Variants in TCF4 observed in about 807,000 individuals in gnomAD.
TCF4 encodes transcription factor 4.
In TCF4, 3 loss-of-function variants were observed where a neutral mutation model predicts 82.1. The ratio of observed to expected loss-of-function variants is 0.04; its 90% CI spans 0.02 to 0.09. TCF4 has a LOEUF of 0.09. Ranked by LOEUF, TCF4 falls within the 10% of genes least tolerant of loss-of-function variation. TCF4 has a pLI of 1.00. For missense variants in TCF4, 518 were observed against 852.7 expected (o/e 0.61, Z 4.89); for synonymous variants, 276 against 309.6 (o/e 0.89, Z 1.14).
At chr18:55,401,851 C>A in intron 6 of TCF4, 1 of 926,942 alleles carries the variant, frequency 1.1e-6, no homozygotes. Context: ...CCAGCGAAAA[C>A]AGAGACCTCT....
chr18:55,557,172 A>G (rs1014843237), intron 3 of TCF4, among the ~76,000 whole-genome samples: 2 of 152,176 alleles, frequency 1.3e-5, no homozygotes, highest in Non-Finnish European at 2.9e-5. Flanking sequence ...GATTTTTAAT[A>G]CTGCTTCTTT....
chr18:55,454,757 T>C (rs1039322456), intron 5 of TCF4, among the ~76,000 whole-genome samples: 25 of 152,130 alleles, frequency 1.6e-4, no homozygotes, highest in African/African-American at 5.5e-4. Flanking sequence ...AAATGACATA[T>C]CAGAAAGATC....
chr18:55,403,839 C>T (rs939213542), intron 5 of TCF4: 10 of 1,483,180 alleles, frequency 6.7e-6, no homozygotes, highest in Admixed American at 2.3e-5. Context: ...TAAACAATTT[C>T]ATTTTTATTT....
chr18:55,445,487 C>T (rs191933111), intron 5 of TCF4, among the ~76,000 whole-genome samples: 160 of 152,222 alleles, frequency 1.1e-3, no homozygotes, highest in Non-Finnish European at 1.8e-3. Context: ...CATGTGCAGG[C>T]GAACTGGCCT....
chr18:55,358,381 G>A (rs546719956), intron 6 of TCF4, among the ~76,000 whole-genome samples: 1 of 152,314 alleles, frequency 6.6e-6, no homozygotes, highest in South Asian at 2.1e-4. Context: ...GAGGAGGATG[G>A]GTGGATGTGA....
intron 6 of TCF4, among the ~76,000 whole-genome samples, chr18:55,393,634 A>T (rs145156243): frequency 2.6e-4 from 39 of 152,324 alleles, no homozygotes; most frequent in African/African-American, 8.9e-4. Context: ...CTTTGATTTT[A>T]TTCTGTTCAG....
At chr18:55,617,811 C>CTGTGTGTGTG (rs74182107) in intron 2 of TCF4, among the ~76,000 whole-genome samples, 1,585 of 140,664 alleles carry the variant, frequency 0.011, 22 homozygotes, top group African/African-American at 0.028. Flanking sequence ...TTAATTCTAA[C>CTGTGTGTGTG]TGTGTGTGTG....
At position 55,389,250 on chromosome 18, in the gene TCF4, T is replaced by G. The variant is rs1181965925; in HGVS notation, c.369+14204A>C. ...ATGCTCACATACAATTTCTTACTAT[T>G]GCTAGTTCATTCATTCATTCACTCA... is the stretch of plus-strand genomic sequence containing the variant. On this transcript the variant is annotated intron_variant, in intron 6 of 19. Transcript: ENST00000354452. Among the ~76,000 whole-genome samples the G allele has an allele frequency of 3.9e-5, 6 of 152,246 alleles. No individual in the cohort carries two copies. The South Asian group carries it at 1.0e-3, about 26-fold the overall frequency.
intron 8 of TCF4, among the ~76,000 whole-genome samples, chr18:55,343,772 G>C (rs1481422497): frequency 6.6e-6 from 1 of 152,084 alleles, no homozygotes; most frequent in African/African-American, 2.4e-5. Context: ...AAATAATTAA[G>C]TATTTAAAAC....
intron 8 of TCF4, among the ~76,000 whole-genome samples, chr18:55,346,425 G>A (rs1034802350): frequency 1.3e-5 from 2 of 152,024 alleles, no homozygotes; most frequent in Non-Finnish European, 2.9e-5. Context: ...AGTTTGCCAG[G>A]TCCTCCTGAG....
intron 6 of TCF4, among the ~76,000 whole-genome samples, chr18:55,383,157 A>G (rs969584563): frequency 2.6e-5 from 4 of 152,214 alleles, no homozygotes; most frequent in Admixed American, 6.5e-5. Context: ...TTTCGCCAAT[A>G]CTATTCCTCA....
chr18:55,474,216 A>C, intron 3 of TCF4, among the ~76,000 whole-genome samples: 1 of 152,170 alleles, frequency 6.6e-6, no homozygotes, highest in East Asian at 1.9e-4. Flanking sequence ...GGGAAAATCT[A>C]TTTTACTCCA....
At chr18:55,479,922 C>T (rs1395824590) in intron 3 of TCF4, among the ~76,000 whole-genome samples, 1 of 152,174 alleles carries the variant, frequency 6.6e-6, no homozygotes, top group Non-Finnish European at 1.5e-5. Context: ...AGTCAGAATT[C>T]TGAAGCAGGG....
chr18:55,410,584 G>A (rs2094303527), intron 5 of TCF4, among the ~76,000 whole-genome samples: 1 of 152,040 alleles, frequency 6.6e-6, no homozygotes, highest in African/African-American at 2.4e-5. Context: ...AAAATTAAGG[G>A]TAACCAGCTC....
intron 2 of TCF4, among the ~76,000 whole-genome samples, chr18:55,613,167 G>T (rs1273847538): frequency 6.6e-6 from 1 of 150,428 alleles, no homozygotes; most frequent in Non-Finnish European, 1.5e-5. Flanking sequence ...AATATGCTTT[G>T]ATATATATAT....
chr18:55,248,849 A>G (rs2054134773), intron 15 of TCF4, among the ~76,000 whole-genome samples: 1 of 152,082 alleles, frequency 6.6e-6, no homozygotes, highest in African/African-American at 2.4e-5. Context: ...AGTTCAAGCA[A>G]TTCTCCTGCC....
intron 5 of TCF4, among the ~76,000 whole-genome samples, chr18:55,456,128 G>A (rs539558024): frequency 9.2e-5 from 14 of 152,320 alleles, no homozygotes; most frequent in Non-Finnish European, 2.1e-4. Context: ...AAACGGAGCG[G>A]TGGAACCGAA....
intron 8 of TCF4, among the ~76,000 whole-genome samples, chr18:55,299,727 T>G (rs1046395401): frequency 1.3e-5 from 2 of 152,114 alleles, no homozygotes; most frequent in Non-Finnish European, 2.9e-5. Context: ...TGGGTAACAT[T>G]CAAAGTGCCT....
chr18:55,358,910 T>A (rs1489589910), intron 6 of TCF4, among the ~76,000 whole-genome samples: 2 of 152,178 alleles, frequency 1.3e-5, no homozygotes, highest in Admixed American at 1.3e-4. Flanking sequence ...AGTTAGATAA[T>A]ACAAAGTGCT....
Sources: allele counts gnomAD v4.1 joint callset (sites outside exome capture counted in the v4.1 genomes callset), GRCh38; gene constraint gnomAD v4.1.1; transcripts MANE v1.5; gene names NCBI Gene and HGNC (gene_info 2026-07-23, HGNC 2026-07-21).